NBAS: variants seen among roughly 807,000 people sequenced by gnomAD.
The protein encoded by NBAS is NBAS subunit of NRZ tethering complex.
In NBAS, 219 loss-of-function variants were observed where a neutral mutation model predicts 302.5. That is an observed-to-expected ratio of 0.72 (90% confidence interval 0.65 to 0.81). The LOEUF is 0.81. Among genes scored for constraint, NBAS ranks in the 30% least tolerant of loss-of-function variants. The pLI is 0.00. For missense variants in NBAS, 2,932 were observed against 2,841.6 expected (o/e 1.03, Z -0.72); for synonymous variants, 1,118 against 1,021.6 (o/e 1.09, Z -1.80).
Position 15,511,354 on chromosome 2 carries a change from A to G in NBAS, c.747-4T>C. The G allele has an allele frequency of 6.2e-7, 1 of 1,613,592 alleles. No homozygotes were observed. Among genetic ancestry groups the G allele is most frequent in the Non-Finnish European group, 8.5e-7 (1 of 1,179,644 alleles). ...ACATCCACCAACAAGTAAAAGTCTA[A>G]AAAGGAGAAAATTTTTAAAAATCGA... On this transcript the variant is annotated splice_region_variant and splice_polypyrimidine_tract_variant and intron_variant, in intron 9 of 51. Transcript: ENST00000281513.
At chr2:15,321,395 G>A (rs1014825112) in intron 38 of NBAS, among the ~76,000 whole-genome samples, 1 of 152,072 alleles carries the variant, frequency 6.6e-6, no homozygotes, top group Admixed American at 6.6e-5. Flanking sequence ...ATAGACAAAG[G>A]GGATCTAATT....
chr2:15,405,986 T>C (rs2148438866), intron 25 of NBAS, among the ~76,000 whole-genome samples: 1 of 151,802 alleles, frequency 6.6e-6, no homozygotes, highest in African/African-American at 2.4e-5. Context: ...AATATTGGTC[T>C]CCCTAAGTTA....
At chr2:14,780,500 A>T in the NBAS span, among the ~76,000 whole-genome samples, 1 of 152,242 alleles carries the variant, frequency 6.6e-6, no homozygotes, top group Non-Finnish European at 1.5e-5. Context: ...CCAGATGCAA[A>T]CATAAGCATA....
the NBAS span, among the ~76,000 whole-genome samples, chr2:14,872,640 ACAGCACTTAAAGG>A: frequency 6.6e-6 from 1 of 151,822 alleles, no homozygotes; most frequent in Non-Finnish European, 1.5e-5. Flanking sequence ...GGTGAGTGTT[ACAGCACTTAAAGG>A]CAGCACTTCT....
At chr2:15,349,765 C>A (rs900287001) in intron 35 of NBAS, among the ~76,000 whole-genome samples, 1 of 151,996 alleles carries the variant, frequency 6.6e-6, no homozygotes, top group African/African-American at 2.4e-5. Flanking sequence ...ACCGGCCTGG[C>A]CAACAGAGTG....
downstream of NBAS, among the ~76,000 whole-genome samples, chr2:15,163,021 C>T (rs1339699889): frequency 6.6e-6 from 1 of 152,200 alleles, no homozygotes; most frequent in African/African-American, 2.4e-5. Flanking sequence ...GGGGAAACAA[C>T]AGATCTCGTG....
At chr2:15,104,251 C>T in the NBAS span, among the ~76,000 whole-genome samples, 1 of 152,110 alleles carries the variant, frequency 6.6e-6, no homozygotes, top group African/African-American at 2.4e-5. Context: ...GTGAGGTCTC[C>T]CCAGCCATGT....
At chr2:15,072,754 A>G in the NBAS span, among the ~76,000 whole-genome samples, 32 of 152,348 alleles carry the variant, frequency 2.1e-4, no homozygotes, top group African/African-American at 6.3e-4. Flanking sequence ...ATATTTTCCC[A>G]TTTTATGTTT....
chr2:15,284,284 C>T (rs1287415231), intron 42 of NBAS, among the ~76,000 whole-genome samples: 2 of 152,054 alleles, frequency 1.3e-5, no homozygotes, highest in East Asian at 1.9e-4. Context: ...TCAGATACTA[C>T]AGGTTAGATA....
chr2:14,959,512 C>G, the NBAS span, among the ~76,000 whole-genome samples: 32 of 152,334 alleles, frequency 2.1e-4, no homozygotes, highest in East Asian at 5.0e-3. Flanking sequence ...TACAGTCCTT[C>G]CCAACATATC....
At chr2:15,144,462 C>A in the NBAS span, among the ~76,000 whole-genome samples, 1 of 152,198 alleles carries the variant, frequency 6.6e-6, no homozygotes, top group Non-Finnish European at 1.5e-5. Flanking sequence ...GATTCAGATA[C>A]AATTGCATTC....
chr2:15,042,325 G>C, the NBAS span, among the ~76,000 whole-genome samples: 5 of 152,214 alleles, frequency 3.3e-5, no homozygotes, highest in African/African-American at 9.6e-5. Flanking sequence ...TAAGCATTGG[G>C]CAGTAATGAC....
the NBAS span, among the ~76,000 whole-genome samples, chr2:14,903,969 G>A: frequency 6.6e-6 from 1 of 152,204 alleles, no homozygotes; most frequent in African/African-American, 2.4e-5. Flanking sequence ...GCAGGGGGCG[G>A]CATCGAGCGC....
the NBAS span, among the ~76,000 whole-genome samples, chr2:15,161,614 C>G: frequency 5.3e-4 from 81 of 152,306 alleles, 1 homozygote; most frequent in South Asian, 0.012. Context: ...CCTGGCTACA[C>G]GGTGGCCTCC....
the NBAS span, among the ~76,000 whole-genome samples, chr2:15,071,262 G>C: frequency 2.6e-5 from 4 of 152,164 alleles, no homozygotes; most frequent in African/African-American, 7.2e-5. Flanking sequence ...GAGACATTTT[G>C]TCATCTACTG....
At chr2:15,313,541 C>T (rs976313819) in intron 38 of NBAS, among the ~76,000 whole-genome samples, 1 of 152,196 alleles carries the variant, frequency 6.6e-6, no homozygotes, top group Non-Finnish European at 1.5e-5. Flanking sequence ...TATGCTATGA[C>T]AAACAATTAA....
At chr2:15,310,429 G>A (rs905805959) in intron 38 of NBAS, among the ~76,000 whole-genome samples, 1 of 152,146 alleles carries the variant, frequency 6.6e-6, no homozygotes, top group Non-Finnish European at 1.5e-5. Context: ...CAGTTTTAGA[G>A]ACATTTTCTA....
the NBAS span, among the ~76,000 whole-genome samples, chr2:14,967,507 T>C: frequency 5.9e-5 from 9 of 152,172 alleles, no homozygotes; most frequent in African/African-American, 2.2e-4. Context: ...TGACCAATTA[T>C]TGACAAAGGT....
At position 15,458,510 on chromosome 2, in the gene NBAS, C is replaced by T. The variant is rs116123243; in HGVS notation, c.2339+2691G>A. Among the ~76,000 whole-genome samples, 1,111 of 152,216 alleles carry T rather than the reference C, an allele frequency of 7.3e-3. 13 individuals are homozygous for T. The highest frequency in any genetic ancestry group is 0.025 in the African/African-American group (1,046 of 41,518). On this transcript the variant is annotated intron_variant, in intron 21 of 51. Coordinates refer to ENST00000281513, the MANE Select transcript of NBAS (RefSeq NM_015909.4). ...GTTGTTTAAGAGTCTGGGACCTCCC[C>T]CTTTTCTCTCTTGCTTCCCTCTCAC...
Sources: allele counts gnomAD v4.1 joint callset (sites outside exome capture counted in the v4.1 genomes callset), GRCh38; gene constraint gnomAD v4.1.1; transcripts MANE v1.5; gene names NCBI Gene and HGNC (gene_info 2026-07-23, HGNC 2026-07-21).